GBE1: variants seen among roughly 807,000 people sequenced by gnomAD.
GBE1 encodes the protein 1,4-alpha-glucan branching enzyme 1, also known as 1,4-alpha-glucan-branching enzyme.
Under a neutral mutation model 88.8 loss-of-function variants are expected in GBE1, and 70 were observed. The observed-to-expected ratio is 0.79, with a 90% CI of 0.65 to 0.96. The LOEUF is 0.96. Among genes scored for constraint, GBE1 ranks in the 40% least tolerant of loss-of-function variants. The pLI is 0.00. For synonymous variants in GBE1, 284 were observed against 300.1 expected (o/e 0.95, Z 0.56); for missense variants, 872 against 871.0 (o/e 1.00, Z -0.01).
intron 1 of GBE1, among the ~76,000 whole-genome samples, chr3:81,714,415 T>A (rs1157229994): frequency 1.3e-5 from 2 of 152,216 alleles, no homozygotes; most frequent in Non-Finnish European, 2.9e-5. Context: ...AATGAAATAA[T>A]GTACCTAAAC....
intron 1 of GBE1, among the ~76,000 whole-genome samples, chr3:81,709,743 C>T (rs1450892671): frequency 6.6e-6 from 1 of 152,104 alleles, no homozygotes; most frequent in African/African-American, 2.4e-5. Flanking sequence ...CTTGACTTCC[C>T]TCAAGGTCAG....
rs751906553 is a variant in GBE1 at position 81,646,478 on chromosome 3, G to A, written c.696C>T (p.Tyr232=). The stretch of plus-strand genomic sequence containing the variant: ...TGATTGCCATCAACTGAATGCAGTT[G>A]TATCCTATATAAGGCAATGGTCAAA... ...NVLPRIKGLG[Y]NCIQLMAIME... The change falls in exon 6 of 16, where the codon TAC becomes TAT. Residue 232 remains tyrosine (Y), a synonymous_variant. Transcript: ENST00000429644. 2 of 1,576,872 alleles carry A rather than the reference G, an allele frequency of 1.3e-6. No homozygotes were observed. The highest frequency in any genetic ancestry group is 1.4e-5 in the African/African-American group (1 of 73,576).
chr3:81,599,786 C>G (rs1362373443), intron 7 of GBE1, among the ~76,000 whole-genome samples: 1 of 152,066 alleles, frequency 6.6e-6, no homozygotes, highest in Non-Finnish European at 1.5e-5. Context: ...AAGCTAATGA[C>G]TAGTTCAAAT....
chr3:81,560,780 T>G (rs145078275), intron 12 of GBE1, among the ~76,000 whole-genome samples: 1 of 152,150 alleles, frequency 6.6e-6, no homozygotes, highest in East Asian at 1.9e-4. Flanking sequence ...GGGTTGTTTC[T>G]CTTATGCTAT....
Position 81,642,914 on chromosome 3 carries a change from C to T in GBE1, c.859G>A (p.Val287Met), listed in dbSNP as rs116899644. Residue 287 changes from valine to methionine, a missense_variant, in exon 7 of 16, where the codon GTG (valine) becomes ATG (methionine). Coordinates refer to ENST00000429644, the MANE Select transcript of GBE1 (RefSeq NM_000158.4). ...HSMGIIVLLD[V>M]VHSHASKNSA... Reference sequence around the variant, plus strand: ...TTTTTTGAAGCATGGCTGTGTACCACATCTAAGAGGACTATGATACCCATG... The same window carrying T: ...TTTTTTGAAGCATGGCTGTGTACCATATCTAAGAGGACTATGATACCCATG... The T allele has an allele frequency of 1.2e-6, 2 of 1,612,854 alleles. No homozygotes were observed. Among genetic ancestry groups the T allele is most frequent in the Non-Finnish European group, 1.7e-6 (2 of 1,179,190 alleles).
intron 5 of GBE1, among the ~76,000 whole-genome samples, chr3:81,648,471 G>C (rs1157650321): frequency 1.3e-5 from 2 of 151,942 alleles, no homozygotes; most frequent in South Asian, 4.1e-4. Context: ...AATGAGTTCC[G>C]GTCACATTAC....
At chr3:81,515,544 T>C (rs1197647154) in intron 14 of GBE1, among the ~76,000 whole-genome samples, 1 of 151,508 alleles carries the variant, frequency 6.6e-6, no homozygotes, top group African/African-American at 2.4e-5. Context: ...GCCCAATTAA[T>C]AACCCTACAA....
chr3:81,502,854 T>C (rs755411757), intron 14 of GBE1, among the ~76,000 whole-genome samples: 9 of 152,196 alleles, frequency 5.9e-5, no homozygotes, highest in Non-Finnish European at 1.2e-4. Context: ...TCTGAAAATA[T>C]GACTCAAAGC....
At chr3:81,661,608 A>G (rs1705032944) in intron 3 of GBE1, among the ~76,000 whole-genome samples, 1 of 152,138 alleles carries the variant, frequency 6.6e-6, no homozygotes, top group African/African-American at 2.4e-5. Context: ...AAGCAGTAGG[A>G]ACTCCTGAGG....
chr3:81,619,406 A>C (rs188591289), intron 7 of GBE1, among the ~76,000 whole-genome samples: 1 of 152,304 alleles, frequency 6.6e-6, no homozygotes, highest in Non-Finnish European at 1.5e-5. Context: ...GAATAAAAAG[A>C]AACATATTTC....
chr3:81,504,372 T>C (rs1434414920), intron 14 of GBE1, among the ~76,000 whole-genome samples: 1 of 152,080 alleles, frequency 6.6e-6, no homozygotes, highest in African/African-American at 2.4e-5. Flanking sequence ...TGAGATTTAC[T>C]ATACTTGTTC....
intron 3 of GBE1, among the ~76,000 whole-genome samples, chr3:81,661,546 A>G (rs1159781658): frequency 6.6e-6 from 1 of 152,204 alleles, no homozygotes; most frequent in East Asian, 1.9e-4. Flanking sequence ...TAATTCAGTA[A>G]GAAAATATTA....
intron 8 of GBE1, among the ~76,000 whole-genome samples, chr3:81,593,178 C>T (rs1703904252): frequency 6.6e-6 from 1 of 151,978 alleles, no homozygotes; most frequent in African/African-American, 2.4e-5. Context: ...ACCTAGCCAA[C>T]AGGGTGAAAC....
chr3:81,606,095 G>C (rs1704098388), intron 7 of GBE1, among the ~76,000 whole-genome samples: 1 of 152,068 alleles, frequency 6.6e-6, no homozygotes. Flanking sequence ...AAGGCAAACT[G>C]ATGTGTTTAT....
At chr3:81,506,977 A>G (rs895807147) in intron 14 of GBE1, among the ~76,000 whole-genome samples, 6 of 152,050 alleles carry the variant, frequency 3.9e-5, no homozygotes, top group African/African-American at 1.4e-4. Context: ...ACTAGGCTTA[A>G]TATGTTGGTG....
At chr3:81,549,363 A>T (rs1218988464) in intron 12 of GBE1, among the ~76,000 whole-genome samples, 4 of 151,530 alleles carry the variant, frequency 2.6e-5, no homozygotes, top group African/African-American at 9.7e-5. Context: ...AGTTATTTGC[A>T]TAAGTGCAAT....
intron 15 of GBE1, among the ~76,000 whole-genome samples, chr3:81,498,791 G>A (rs1702547586): frequency 6.6e-6 from 1 of 152,078 alleles, no homozygotes; most frequent in African/African-American, 2.4e-5. Flanking sequence ...GTGAAATGTT[G>A]CATAAAGAAT....
At chr3:81,513,520 C>T (rs527731444) in intron 14 of GBE1, among the ~76,000 whole-genome samples, 5 of 151,356 alleles carry the variant, frequency 3.3e-5, no homozygotes, top group African/African-American at 9.7e-5. Flanking sequence ...AATATATCCT[C>T]GTTTTGTCTT....
At chr3:81,746,307 A>T (rs1706419719) in intron 1 of GBE1, among the ~76,000 whole-genome samples, 1 of 152,128 alleles carries the variant, frequency 6.6e-6, no homozygotes, top group Admixed American at 6.5e-5. Flanking sequence ...TCTGTTACCC[A>T]GGGGGAGTGC....
Sources: gnomAD v4.1 joint callset for allele counts (sites outside exome capture counted in the v4.1 genomes callset) on GRCh38, gnomAD v4.1.1 for gene constraint, MANE v1.5 for transcripts, NCBI Gene and HGNC (gene_info 2026-07-23, HGNC 2026-07-21) for gene names.